Variants in WDFY1 observed in about 807,000 individuals in gnomAD.
WDFY1 encodes the protein WD repeat and FYVE domain containing 1, also known as WD repeat and FYVE domain-containing protein 1.
Under a neutral mutation model 56.4 loss-of-function variants are expected in WDFY1, and 32 were observed. That is an observed-to-expected ratio of 0.57 (90% confidence interval 0.43 to 0.76). The LOEUF (loss-of-function observed/expected upper bound fraction) is 0.76. Among genes scored for constraint, WDFY1 ranks in the 30% least tolerant of loss-of-function variants. WDFY1 has a pLI of 0.00. For missense variants in WDFY1, 480 were observed against 545.7 expected, an observed-to-expected ratio of 0.88 and a Z score of 1.20; for synonymous variants, 192 against 197.3, an observed-to-expected ratio of 0.97 and a Z score of 0.23.
chr2:223,880,290 G>T, intron 10 of WDFY1, 58 bp from the exon 11 acceptor site: 1 of 1,514,026 alleles, frequency 6.6e-7, no homozygotes, highest in South Asian at 1.1e-5. Context: ...AGCTAGTGGG[G>T]TAAGCTTTTT....
In WDFY1 at chr2:223,891,738, C is replaced by G. The variant is rs193107703; in HGVS notation, c.831+2496G>C. 1.4e-3 allele frequency among the ~76,000 whole-genome samples: 214 copies of G among 152,258 alleles called. 2 individuals are homozygous for G. Among genetic ancestry groups the G allele is most frequent in the Middle Eastern group, 6.8e-3 (2 of 294 alleles). ...GCAGGTTAAAATCTAAGTTGTGAAA[C>G]CCTCGGGAAAGCCACCAGCAGTGCT... On this transcript the variant is annotated intron_variant, in intron 8 of 11. Coordinates refer to ENST00000233055, the MANE Select transcript of WDFY1 (RefSeq NM_020830.5).
chr2:223,884,875 T>TG, intron 8 of WDFY1, 126 bp from the exon 9 acceptor site: 7 of 849,792 alleles, frequency 8.2e-6, no homozygotes, highest in South Asian at 1.7e-5. Flanking sequence ...TTTTTTTTTT[T>TG]GGTCTCCCAG....
rs139550867 is a variant in WDFY1, at chr2:223,900,185, A to G, written c.485+998T>C. ...AACACGGGTCAAAAAGAGCACCGTA[A>G]ACTAGGGCATGAACTGTGATTCTGT... On this transcript the variant is annotated intron_variant, in intron 5 of 11. Coordinates refer to ENST00000233055, the MANE Select transcript of WDFY1 (RefSeq NM_020830.5). Among the ~76,000 whole-genome samples the G allele has an allele frequency of 2.8e-3, 427 of 152,336 alleles. 3 individuals carry two copies. The highest frequency in any genetic ancestry group is 1.0e-2 in the African/African-American group (414 of 41,568).
intron 10 of WDFY1, among the ~76,000 whole-genome samples, chr2:223,881,681 G>T (rs1451422438): frequency 6.6e-6 from 1 of 151,992 alleles, no homozygotes; most frequent in Admixed American, 6.6e-5. Flanking sequence ...CCAGCTACTC[G>T]GGTGGCTGAG....
chr2:223,928,540 G>A (rs1477112531), intron 1 of WDFY1, among the ~76,000 whole-genome samples: 1 of 152,124 alleles, frequency 6.6e-6, no homozygotes, highest in Non-Finnish European at 1.5e-5. Flanking sequence ...AACATTTTGC[G>A]CAATGAGCCT....
intron 1 of WDFY1, among the ~76,000 whole-genome samples, chr2:223,935,132 A>G (rs1003771487): frequency 6.6e-6 from 1 of 152,146 alleles, no homozygotes; most frequent in Non-Finnish European, 1.5e-5. Context: ...TAACCTAGAA[A>G]CCAAAAATGC....
chr2:223,915,933 G>A (rs572201012), intron 2 of WDFY1, among the ~76,000 whole-genome samples: 14 of 152,332 alleles, frequency 9.2e-5, no homozygotes, highest in African/African-American at 9.6e-5. Flanking sequence ...ATCTCAAGGT[G>A]AGAATTTAGT....
Position 223,945,222 on chromosome 2 carries a change from C to T in WDFY1, c.63G>A (p.Glu21=). The T allele has an allele frequency of 1.3e-6, 2 of 1,598,116 alleles. No individual in the cohort carries two copies. Among genetic ancestry groups the T allele is most frequent in the Non-Finnish European group, 1.7e-6 (2 of 1,175,330 alleles). Residue 21 remains glutamate, a synonymous_variant, in exon 1 of 12, where the codon GAG becomes GAA. Transcript: ENST00000233055. ...CGGCCGTGACGGCGTCCTGGTGCCCCTCGATCTTGCTCAGCAGCACCGGGC... is the reference window on the plus strand; with the variant it reads ...CGGCCGTGACGGCGTCCTGGTGCCCTTCGATCTTGCTCAGCAGCACCGGGC... ...SSRPVLLSKI[E]GHQDAVTAAL...
rs375564866 is a variant in WDFY1, at chr2:223,917,860, C to A, written c.205+83G>T. On this transcript the variant is annotated intron_variant, in intron 2 of 11. Transcript: ENST00000233055. ...GTGCTGGGATTACAGGTGTGAGCCACCATGCTCAGCCGACATTTTGAAATT... is the reference window on the plus strand; with the variant it reads ...GTGCTGGGATTACAGGTGTGAGCCAACATGCTCAGCCGACATTTTGAAATT... 71 of 1,532,922 alleles carry A rather than the reference C, an allele frequency of 4.6e-5. 1 individual carries two copies. In the East Asian group the frequency reaches 8.9e-4, roughly 19 times the overall value. The allele number at this position is 1,532,922 out of a possible 1,614,324, so 95.0% of individuals were successfully genotyped here.
intron 1 of WDFY1, among the ~76,000 whole-genome samples, chr2:223,939,666 T>C (rs1689264841): frequency 6.6e-6 from 1 of 152,130 alleles, no homozygotes; most frequent in African/African-American, 2.4e-5. Context: ...TCCTGAGACT[T>C]ACTCACTGCC....
intron 1 of WDFY1, among the ~76,000 whole-genome samples, chr2:223,934,081 CTTTTTTT>C (rs201021204): frequency 2.2e-5 from 3 of 136,176 alleles, no homozygotes; most frequent in African/African-American, 8.3e-5. Flanking sequence ...TTTTTCTTTT[CTTTTTTT>C]TTTTTTTTTT....
At position 223,895,483 on chromosome 2, in the gene WDFY1, C is replaced by T. The variant is rs2106078331; in HGVS notation, c.725+21G>A. The T allele has an allele frequency of 2.5e-6, 4 of 1,613,632 alleles. No individual in the cohort carries two copies. The East Asian group carries it at 8.9e-5, about 36-fold the overall frequency. On this transcript the variant is annotated intron_variant, in intron 7 of 11. Transcript: ENST00000233055. Reference sequence around the variant, plus strand: ...CCCACTAACTCGGATTCTTTCCCCACCCCCACAAGTGGTCACGCACTGATG... The same window carrying T: ...CCCACTAACTCGGATTCTTTCCCCATCCCCACAAGTGGTCACGCACTGATG...
At chr2:223,900,623 T>C (rs1693490942) in intron 5 of WDFY1, among the ~76,000 whole-genome samples, 1 of 152,096 alleles carries the variant, frequency 6.6e-6, no homozygotes, top group Non-Finnish European at 1.5e-5. Flanking sequence ...ATAAGGATTA[T>C]GGGTCCTCTC....
chr2:223,875,619 A>G lies in WDFY1; in HGVS notation c.*3052T>C, dbSNP rs1400024048. 1 of 152,258 alleles carries G rather than the reference A, an allele frequency of 6.6e-6. No individual in the cohort carries two copies. Among genetic ancestry groups the G allele is most frequent in the Non-Finnish European group, 1.5e-5 (1 of 68,036 alleles). 9.4% of individuals were successfully genotyped at this position (152,258 alleles called of 1,614,324 possible). On this transcript the variant is annotated 3_prime_UTR_variant, in exon 12 of 12. Coordinates refer to ENST00000233055, the MANE Select transcript of WDFY1 (RefSeq NM_020830.5). Reference sequence around the variant, plus strand: ...CAATTAAACTTCAACTTACTCAAAGAGTTATTGTATTGTAAACTGCAGAAA... The same window carrying G: ...CAATTAAACTTCAACTTACTCAAAGGGTTATTGTATTGTAAACTGCAGAAA...
intron 3 of WDFY1, among the ~76,000 whole-genome samples, chr2:223,907,853 ATT>A (rs933565405): frequency 1.1e-5 from 1 of 87,496 alleles, no homozygotes; most frequent in African/African-American, 4.1e-5. Flanking sequence ...TGCTGCTGCT[ATT>A]TTTTTTTTTT....
intron 6 of WDFY1, among the ~76,000 whole-genome samples, chr2:223,896,317 G>A (rs917119380): frequency 7.2e-6 from 1 of 139,426 alleles, no homozygotes; most frequent in African/African-American, 2.7e-5. Context: ...AACCAGTAAA[G>A]TTTACTGTGT....
chr2:223,944,132 G>A (rs1395488795), intron 1 of WDFY1, among the ~76,000 whole-genome samples: 1 of 152,204 alleles, frequency 6.6e-6, no homozygotes, highest in Non-Finnish European at 1.5e-5. Context: ...GGTGATTCTA[G>A]CAGCCGTGGC....
At chr2:223,915,960 C>T (rs554223392) in intron 2 of WDFY1, among the ~76,000 whole-genome samples, 2 of 152,212 alleles carry the variant, frequency 1.3e-5, no homozygotes, top group Non-Finnish European at 2.9e-5. Flanking sequence ...ACCAAGGTTA[C>T]GCATCCACAG....
At chr2:223,930,519 C>T (rs994849726) in intron 1 of WDFY1, among the ~76,000 whole-genome samples, 5 of 152,188 alleles carry the variant, frequency 3.3e-5, no homozygotes, top group East Asian at 1.9e-4. Flanking sequence ...TTAGTAGAGA[C>T]GGGGTTTCAC....
Sources: gnomAD v4.1 joint callset for allele counts (sites outside exome capture counted in the v4.1 genomes callset) on GRCh38, gnomAD v4.1.1 for gene constraint, MANE v1.5 for transcripts, NCBI Gene and HGNC (gene_info 2026-07-23, HGNC 2026-07-21) for gene names.